The following UPF3A variants were observed in gnomAD, a reference collection of about 807,000 sequenced individuals.
The protein encoded by UPF3A is regulator of nonsense transcripts 3A.
Under a neutral mutation model 53.5 loss-of-function variants are expected in UPF3A, and 42 were observed. The observed-to-expected ratio is 0.78, with a 90% CI of 0.61 to 1.01. The LOEUF (loss-of-function observed/expected upper bound fraction) is 1.01. Ranked by LOEUF, UPF3A falls within the 50% of genes least tolerant of loss-of-function variation. The pLI, the probability that UPF3A is intolerant of heterozygous loss-of-function variation, is 0.00. For missense variants in UPF3A, 575 were observed against 598.0 expected, an observed-to-expected ratio of 0.96 and a Z score of 0.40; for synonymous variants, 237 against 225.3, an observed-to-expected ratio of 1.05 and a Z score of -0.47.
intron 8 of UPF3A, among the ~76,000 whole-genome samples, chr13:114,300,583 A>G (rs374925249): frequency 1.3e-5 from 2 of 150,002 alleles, no homozygotes; most frequent in Admixed American, 6.7e-5. Context: ...CCTCTTGCCC[A>G]GGTTGGAGTG....
At position 114,304,995 on chromosome 13, in the gene UPF3A, A is replaced by C. The variant is rs1566780115; in HGVS notation, c.*78A>C. ...GTAAATGACCCCGAGTGTGACTGGGAAGGAGAACTTATTCCTTACCAGGAA... is the reference window on the plus strand; with the variant it reads ...GTAAATGACCCCGAGTGTGACTGGGCAGGAGAACTTATTCCTTACCAGGAA... On this transcript the variant is annotated 3_prime_UTR_variant, in exon 10 of 10. Transcript: ENST00000375299. 23 of 1,531,780 alleles carry C rather than the reference A, an allele frequency of 1.5e-5. No homozygotes were observed. Among genetic ancestry groups the C allele is most frequent in the Non-Finnish European group, 2.0e-5 (23 of 1,130,552 alleles). The allele number at this position is 1,531,780 out of a possible 1,614,324, so 94.9% of individuals were successfully genotyped here. A position where few individuals can be genotyped will look rare whatever the true frequency, so the allele number is the denominator to read the frequency against.
chr13:114,289,988 C>G (rs1259160900), intron 5 of UPF3A, among the ~76,000 whole-genome samples: 2 of 152,100 alleles, frequency 1.3e-5, no homozygotes, highest in African/African-American at 4.8e-5. Flanking sequence ...TTCAGGCTTT[C>G]CACAGAGCAG....
intron 7 of UPF3A, among the ~76,000 whole-genome samples, chr13:114,295,365 C>T (rs1234661866): frequency 1.5e-5 from 2 of 131,822 alleles, no homozygotes; most frequent in East Asian, 2.2e-4. Flanking sequence ...TCTCCAGCGG[C>T]TCTGGCGTGC....
chr13:114,288,047 C>T (rs962204020), intron 5 of UPF3A, among the ~76,000 whole-genome samples: 1 of 152,174 alleles, frequency 6.6e-6, no homozygotes, highest in Non-Finnish European at 1.5e-5. Flanking sequence ...TCAGATGATC[C>T]GCCTGCCTCA....
intron 3 of UPF3A, 70 bp from the exon 4 acceptor site, chr13:114,286,232 G>T: frequency 5.0e-6 from 8 of 1,593,646 alleles, no homozygotes; most frequent in Non-Finnish European, 6.8e-6. Flanking sequence ...AAGTAAGTTA[G>T]GTCATTATTT....
At chr13:114,301,465 A>G (rs959624825) in intron 8 of UPF3A, among the ~76,000 whole-genome samples, 8 of 130,988 alleles carry the variant, frequency 6.1e-5, no homozygotes, top group South Asian at 5.3e-4. Flanking sequence ...TCCATCTCAG[A>G]AAAAAAAAAA....
At chr13:114,294,274 G>GA (rs1555372460) in intron 7 of UPF3A, among the ~76,000 whole-genome samples, 2 of 47,496 alleles carry the variant, frequency 4.2e-5, no homozygotes, top group Non-Finnish European at 6.8e-5. Context: ...TGGTTTTGGT[G>GA]GGGGGGGGGT....
Position 114,282,867 on chromosome 13 carries a change from C to G in UPF3A, c.345C>G (p.Tyr115Ter). The G allele has an allele frequency of 6.2e-7, 1 of 1,610,958 alleles. No individual in the cohort carries two copies. Among genetic ancestry groups the G allele is most frequent in the Non-Finnish European group, 8.5e-7 (1 of 1,177,956 alleles). Residue 115 changes from tyrosine to a stop codon, truncating the protein, a stop_gained, in exon 3 of 10, where the codon TAC becomes TAG. Transcript: ENST00000375299. LOFTEE classifies it high-confidence loss of function. ...ATCCTCATCTCTACTCAAGAGCATA[C>G]ATTAATTTTAGGAATCCTGATGACA... ...SLYPHLYSRA[Y>*]INFRNPDDIL...
At chr13:114,284,343 C>T (rs554983058) in intron 3 of UPF3A, among the ~76,000 whole-genome samples, 3 of 150,514 alleles carry the variant, frequency 2.0e-5, no homozygotes, top group East Asian at 2.0e-4. Context: ...GCCGGGGCGA[C>T]GGAGCAAAAA....
chr13:114,289,240 A>T (rs2085041003), intron 5 of UPF3A, among the ~76,000 whole-genome samples: 1 of 151,912 alleles, frequency 6.6e-6, no homozygotes, highest in Admixed American at 6.6e-5. Context: ...AAAAATTGAA[A>T]CTTGGCCGGG....
At chr13:114,296,071 C>T (rs547444135) in intron 7 of UPF3A, among the ~76,000 whole-genome samples, 4 of 152,132 alleles carry the variant, frequency 2.6e-5, no homozygotes, top group Non-Finnish European at 5.9e-5. Flanking sequence ...CATAATGAAA[C>T]CTTAATAATG....
rs1053257329 is a variant in UPF3A, at chr13:114,295,822, C to T, written c.847-3018C>T. 6.6e-5 allele frequency among the ~76,000 whole-genome samples: 10 copies of T among 152,170 alleles called. No individual in the cohort carries two copies. In the East Asian group the frequency reaches 1.9e-3, roughly 29 times the overall value. On this transcript the variant is annotated intron_variant, in intron 7 of 9. Coordinates refer to ENST00000375299, the MANE Select transcript of UPF3A (RefSeq NM_023011.4). ...CTAGTGCCTAGCACAGGGTCTTAGG[C>T]CCTGGTTCCTGCACACAGCTCCTCA...
At chr13:114,302,084 G>A in intron 9 of UPF3A, 59 bp downstream of exon 9, 1 of 1,422,348 alleles carries the variant, frequency 7.0e-7, no homozygotes, top group South Asian at 1.7e-5. Context: ...CAGGCTGCAT[G>A]CTGACCATGT....
chr13:114,294,688 G>A (rs1032789466), intron 7 of UPF3A, among the ~76,000 whole-genome samples: 1 of 151,808 alleles, frequency 6.6e-6, no homozygotes, highest in South Asian at 2.1e-4. Context: ...AGCTGGGCGT[G>A]GTGGCACACG....
At chr13:114,288,073 G>A (rs1255802631) in intron 5 of UPF3A, among the ~76,000 whole-genome samples, 1 of 152,222 alleles carries the variant, frequency 6.6e-6, no homozygotes, top group Non-Finnish European at 1.5e-5. Context: ...CCAAAGTACT[G>A]GGATTACAGG....
intron 7 of UPF3A, among the ~76,000 whole-genome samples, chr13:114,292,471 A>G (rs2085396567): frequency 6.9e-6 from 1 of 145,220 alleles, no homozygotes; most frequent in Non-Finnish European, 1.5e-5. Context: ...TTACGTGTTC[A>G]TTTTCGGCTC....
intron 7 of UPF3A, among the ~76,000 whole-genome samples, chr13:114,294,844 G>A (rs943277160): frequency 7.2e-6 from 1 of 139,260 alleles, no homozygotes; most frequent in Non-Finnish European, 1.5e-5. Flanking sequence ...GGACCGCGGT[G>A]GCTCACACCT....
Position 114,289,466 on chromosome 13 carries a change from G to A in UPF3A, c.632-2023G>A, listed in dbSNP as rs1213260591. On this transcript the variant is annotated intron_variant, in intron 5 of 9. Coordinates refer to ENST00000375299, the MANE Select transcript of UPF3A (RefSeq NM_023011.4). ...TTGAACTCGGCAGGCGGAGGTTACA[G>A]TGAGCCAAGACCACGCCACTGCACT... is the stretch of plus-strand genomic sequence containing the variant. 2.7e-5 allele frequency among the ~76,000 whole-genome samples: 4 copies of A among 149,576 alleles called. No individual in the cohort carries two copies. In the Admixed American group the frequency reaches 2.7e-4, roughly 10 times the overall value.
chr13:114,304,906 G>A lies in UPF3A; in HGVS notation c.1420G>A (p.Glu474Lys). Residue 474 changes from glutamate (E) to lysine (K), a missense_variant, in exon 10 of 10, where the codon GAG (glutamate) becomes AAG (lysine). Physicochemically the swap from Glu to Lys is moderately conservative, Grantham distance 56. Transcript: ENST00000375299. ...GGGGACTGGTCCTGAGAAGAGGGAA[G>A]AGGCAGAGTGAGTCACTGCACGCAC... The part of the protein sequence containing the change: ...GSGTGPEKRE[E>K]AE 6.2e-7 allele frequency: 1 copy of A among 1,613,112 alleles called. No homozygotes were observed. The highest frequency in any genetic ancestry group is 8.5e-7 in the Non-Finnish European group (1 of 1,179,526).
Sources: gnomAD v4.1 joint callset for allele counts (sites outside exome capture counted in the v4.1 genomes callset) on GRCh38, gnomAD v4.1.1 for gene constraint, MANE v1.5 for transcripts, NCBI Gene and HGNC (gene_info 2026-07-23, HGNC 2026-07-21) for gene names.